FHIT: variants seen among roughly 807,000 people sequenced by gnomAD.
The protein encoded by FHIT is fragile histidine triad diadenosine triphosphatase, also known as bis(5'-adenosyl)-triphosphatase.
A neutral mutation model predicts 17.9 loss-of-function variants in FHIT; 19 were observed. The observed-to-expected ratio is 1.06, with a 90% CI of 0.74 to 1.56. The LOEUF (loss-of-function observed/expected upper bound fraction) is 1.56. FHIT is among the 40% of genes most tolerant of loss of function. The pLI is 0.00. For missense variants in FHIT, 248 were observed against 189.2 expected, an observed-to-expected ratio of 1.31 and a Z score of -1.82; for synonymous variants, 81 against 69.7, an observed-to-expected ratio of 1.16 and a Z score of -0.81.
At chr3:60,486,403 A>G (rs183843516) in intron 5 of FHIT, among the ~76,000 whole-genome samples, 20 of 152,240 alleles carry the variant, frequency 1.3e-4, no homozygotes, top group Non-Finnish European at 2.9e-5. Flanking sequence ...AAAAGTCTGT[A>G]TTTCCTGTGC....
At chr3:61,055,231 A>C (rs2034176155) in intron 2 of FHIT, among the ~76,000 whole-genome samples, 2 of 152,140 alleles carry the variant, frequency 1.3e-5, no homozygotes, top group African/African-American at 2.4e-5. Context: ...TATCTGAAGA[A>C]AGAATGCATG....
At chr3:60,085,589 C>T (rs922258858) in intron 5 of FHIT, among the ~76,000 whole-genome samples, 1 of 152,148 alleles carries the variant, frequency 6.6e-6, no homozygotes, top group African/African-American at 2.4e-5. Context: ...CAGTTTGCTA[C>T]AAGTTGAATG....
At chr3:59,772,465 C>G (rs1188123042) in intron 8 of FHIT, among the ~76,000 whole-genome samples, 3 of 152,214 alleles carry the variant, frequency 2.0e-5, no homozygotes, top group African/African-American at 7.2e-5. Flanking sequence ...ATTCATTAAT[C>G]TTCATGACCA....
chr3:60,522,308 A>C (rs139855531), intron 5 of FHIT, among the ~76,000 whole-genome samples: 1,910 of 152,162 alleles, frequency 0.013, 50 homozygotes, highest in African/African-American at 0.043. Flanking sequence ...ACAGGGTTTC[A>C]CCATGTTGGC....
chr3:59,750,846 T>C (rs1036606995), intron 9 of FHIT: 1 of 206,082 alleles, frequency 4.9e-6, no homozygotes, highest in Non-Finnish European at 9.9e-6. Flanking sequence ...ATGTGTTTTC[T>C]AGCTAAAAAT....
intron 5 of FHIT, among the ~76,000 whole-genome samples, chr3:60,189,751 T>C (rs1258858039): frequency 1.3e-5 from 2 of 152,204 alleles, no homozygotes; most frequent in Non-Finnish European, 2.9e-5. Context: ...CCCACGTTTT[T>C]TCATTTCAAA....
intron 2 of FHIT, among the ~76,000 whole-genome samples, chr3:61,121,760 A>G (rs957248896): frequency 6.6e-6 from 1 of 152,214 alleles, no homozygotes; most frequent in Non-Finnish European, 1.5e-5. Context: ...TTAACTGTAA[A>G]CAGGCTAAAT....
chr3:60,778,270 T>G (rs1553724961), intron 4 of FHIT, among the ~76,000 whole-genome samples: 1 of 150,966 alleles, frequency 6.6e-6, no homozygotes, highest in Middle Eastern at 3.4e-3. Flanking sequence ...TAATTGTAAC[T>G]ACCCTGGAAA....
intron 3 of FHIT, among the ~76,000 whole-genome samples, chr3:60,911,365 TTGCA>T (rs1706733168): frequency 1.1e-5 from 1 of 87,928 alleles, no homozygotes; most frequent in African/African-American, 4.8e-5. Context: ...TTTAAATTCT[TTGCA>T]TGCACACACA....
intron 8 of FHIT, among the ~76,000 whole-genome samples, chr3:59,781,394 T>A (rs945484446): frequency 6.6e-6 from 1 of 152,232 alleles, no homozygotes; most frequent in Non-Finnish European, 1.5e-5. Context: ...TGCTACTCGG[T>A]TCATAAACCA....
At chr3:60,081,832 C>CT (rs1459176365) in intron 5 of FHIT, among the ~76,000 whole-genome samples, 1 of 152,004 alleles carries the variant, frequency 6.6e-6, no homozygotes, top group Non-Finnish European at 1.5e-5. Flanking sequence ...TTTCCTGTTT[C>CT]TTTTTCAGTT....
intron 5 of FHIT, among the ~76,000 whole-genome samples, chr3:60,231,025 A>G (rs1236594274): frequency 6.6e-6 from 1 of 152,158 alleles, no homozygotes; most frequent in Admixed American, 6.5e-5. Flanking sequence ...TTCAATAACC[A>G]TTCTAATGTG....
At chr3:60,366,134 G>C (rs952023399) in intron 5 of FHIT, among the ~76,000 whole-genome samples, 1 of 152,094 alleles carries the variant, frequency 6.6e-6, no homozygotes, top group Non-Finnish European at 1.5e-5. Context: ...TCACTTTCTT[G>C]CATAGAACTG....
intron 7 of FHIT, among the ~76,000 whole-genome samples, chr3:59,931,172 T>A (rs551922107): frequency 6.6e-6 from 1 of 152,328 alleles, no homozygotes; most frequent in African/African-American, 2.4e-5. Flanking sequence ...TTACAGGACA[T>A]TAGTTTTAAA....
intron 5 of FHIT, among the ~76,000 whole-genome samples, chr3:60,525,165 CA>C (rs754555566): frequency 2.3e-4 from 35 of 152,172 alleles, no homozygotes; most frequent in Non-Finnish European, 3.7e-4. Context: ...TGCTGCCATG[CA>C]AAAAAGTTCC....
intron 2 of FHIT, among the ~76,000 whole-genome samples, chr3:61,093,056 C>T (rs1459644494): frequency 2.6e-5 from 4 of 152,118 alleles, no homozygotes; most frequent in Non-Finnish European, 5.9e-5. Context: ...TGTGGTCCAC[C>T]CTTAGCAGCT....
At chr3:59,979,564 CT>C (rs2107424161) in intron 7 of FHIT, among the ~76,000 whole-genome samples, 1 of 152,046 alleles carries the variant, frequency 6.6e-6, no homozygotes, top group South Asian at 2.1e-4. Flanking sequence ...ATCCCAAAAT[CT>C]TTTTTAAATA....
intron 3 of FHIT, among the ~76,000 whole-genome samples, chr3:60,864,166 G>C (rs540098037): frequency 8.5e-5 from 13 of 152,218 alleles, no homozygotes; most frequent in African/African-American, 3.1e-4. Flanking sequence ...CTGCCCCCAT[G>C]ATTCAATTAC....
intron 5 of FHIT, among the ~76,000 whole-genome samples, chr3:60,469,776 T>C (rs1029870863): frequency 3.3e-5 from 5 of 152,200 alleles, no homozygotes; most frequent in Non-Finnish European, 5.9e-5. Context: ...GGCTTGTTTC[T>C]GCCTATCCTT....
Sources: gnomAD v4.1 joint callset for allele counts (sites outside exome capture counted in the v4.1 genomes callset) on GRCh38, gnomAD v4.1.1 for gene constraint, MANE v1.5 for transcripts, NCBI Gene and HGNC (gene_info 2026-07-23, HGNC 2026-07-21) for gene names.